The following OPN5 variants were observed in gnomAD, a reference collection of about 807,000 sequenced individuals.
The protein encoded by OPN5 is opsin-5.
In OPN5, 18 loss-of-function variants were observed where a neutral mutation model predicts 41.7. That is an observed-to-expected ratio of 0.43 (90% confidence interval 0.30 to 0.64). The LOEUF (loss-of-function observed/expected upper bound fraction) is 0.64. OPN5 is among the 30% of genes least tolerant of loss of function. The probability of loss-of-function intolerance (pLI) is 0.13; values close to 1 mark genes in which losing one functional copy is unlikely to be tolerated. For missense variants in OPN5, 318 were observed against 434.5 expected, an observed-to-expected ratio of 0.73 and a Z score of 2.38; for synonymous variants, 178 against 164.3, an observed-to-expected ratio of 1.08 and a Z score of -0.64.
At chr6:47,786,703 C>A in intron 2 of OPN5, 69 bp downstream of exon 2, 2 of 1,339,040 alleles carry the variant, frequency 1.5e-6, no homozygotes, top group Non-Finnish European at 1.1e-6. Flanking sequence ...CTCACTGTCT[C>A]AAACGTCACC....
At chr6:47,812,609 A>C (rs1762284845) in intron 6 of OPN5, among the ~76,000 whole-genome samples, 1 of 152,100 alleles carries the variant, frequency 6.6e-6, no homozygotes, top group Non-Finnish European at 1.5e-5. Flanking sequence ...CTGAAAGGAG[A>C]AGGCACGTAG....
chr6:47,823,966 T>C lies in OPN5; in HGVS notation c.1057-17T>C. 2.6e-6 allele frequency: 4 copies of C among 1,549,142 alleles called. No homozygotes were observed. Among genetic ancestry groups the C allele is most frequent in the Non-Finnish European group, 2.6e-6 (3 of 1,144,646 alleles). ...CTGTGTGCCTCACCCTAAAACTCAA[T>C]TTTTTCTTCTCTACAGTGGGAATAA... On this transcript the variant is annotated splice_polypyrimidine_tract_variant and intron_variant, in intron 6 of 6. Coordinates refer to ENST00000371211, the Ensembl canonical transcript of OPN5.
In OPN5 at chr6:47,811,661, C is replaced by T; in HGVS notation, c.999-13C>T. 2 of 1,601,512 alleles carry T rather than the reference C, an allele frequency of 1.2e-6. No individual in the cohort carries two copies. The highest frequency in any genetic ancestry group is 1.7e-6 in the Non-Finnish European group (2 of 1,169,566). On this transcript the variant is annotated splice_polypyrimidine_tract_variant and intron_variant, in intron 5 of 6. Coordinates refer to ENST00000371211, the Ensembl canonical transcript of OPN5. ...GTAGATATTAAATTGCATTTTTCTT[C>T]TCCTATATCTAGGCTGCACACCGTA...
chr6:47,808,972 A>G (rs1471173464), intron 5 of OPN5, among the ~76,000 whole-genome samples: 1 of 152,214 alleles, frequency 6.6e-6, no homozygotes, highest in Non-Finnish European at 1.5e-5. Flanking sequence ...CCATGTTTAA[A>G]CAGCCAGAAA....
intron 6 of OPN5, among the ~76,000 whole-genome samples, chr6:47,821,243 A>G (rs889822859): frequency 2.0e-5 from 3 of 152,234 alleles, no homozygotes; most frequent in South Asian, 2.1e-4. Context: ...TGTGCAATTC[A>G]AAACTGTGTT....
At chr6:47,782,245 T>C (rs766124350) in intron 1 of OPN5, 49 bp downstream of exon 1, 11 of 1,570,236 alleles carry the variant, frequency 7.0e-6, no homozygotes, top group Non-Finnish European at 8.7e-6. Flanking sequence ...AGAAAATTCA[T>C]GGGCTGATAT....
At chr6:47,794,904 C>A in intron 3 of OPN5, 1 of 235,932 alleles carries the variant, frequency 4.2e-6, no homozygotes, top group Non-Finnish European at 8.3e-6. Context: ...CTAACACACC[C>A]TTTCCGAGAT....
chr6:47,815,165 A>G (rs1006497587), intron 6 of OPN5, among the ~76,000 whole-genome samples: 12 of 152,310 alleles, frequency 7.9e-5, no homozygotes, highest in Admixed American at 3.3e-4. Context: ...AGCAATAAGA[A>G]TATATTTCAC....
intron 6 of OPN5, among the ~76,000 whole-genome samples, chr6:47,820,133 T>TAGAGAG (rs5876036): frequency 2.7e-4 from 40 of 149,382 alleles, no homozygotes; most frequent in Admixed American, 1.3e-4. Context: ...TCCTTTTGAA[T>TAGAGAG]AGAGAGAGAG....
intron 3 of OPN5, among the ~76,000 whole-genome samples, chr6:47,792,381 G>T (rs910108122): frequency 2.6e-5 from 4 of 152,138 alleles, no homozygotes; most frequent in Non-Finnish European, 5.9e-5. Flanking sequence ...TAGGACTCAC[G>T]CTCCCTGTGA....
intron 4 of OPN5, among the ~76,000 whole-genome samples, chr6:47,799,230 AC>A (rs1467043292): frequency 3.8e-4 from 57 of 148,084 alleles, no homozygotes; most frequent in Admixed American, 1.8e-3. Context: ...ACACACACAC[AC>A]ATGATATACA....
At chr6:47,786,737 TCTC>T (rs1773205099) in intron 2 of OPN5, 103 bp downstream of exon 2, 1 of 991,488 alleles carries the variant, frequency 1.0e-6, no homozygotes, top group African/African-American at 1.6e-5. Context: ...TCCCTTCACA[TCTC>T]CTTCCACTCT....
intron 5 of OPN5, among the ~76,000 whole-genome samples, chr6:47,809,774 C>A (rs933497325): frequency 6.6e-6 from 1 of 152,236 alleles, no homozygotes; most frequent in African/African-American, 2.4e-5. Flanking sequence ...TAAAAAGCAT[C>A]TCTTTCTGAA....
chr6:47,784,304 T>TG (rs1304486466), intron 1 of OPN5, among the ~76,000 whole-genome samples: 1 of 6,152 alleles, frequency 1.6e-4, no homozygotes, highest in African/African-American at 3.8e-4. Flanking sequence ...GCAAGATTCC[T>TG]TTTTTTTTTG....
At chr6:47,821,341 G>A (rs1762616743) in intron 6 of OPN5, among the ~76,000 whole-genome samples, 1 of 152,240 alleles carries the variant, frequency 6.6e-6, no homozygotes, top group African/African-American at 2.4e-5. Context: ...TAAGCCACAT[G>A]GGTGTGGGAG....
chr6:47,818,426 A>G (rs1332074889), intron 6 of OPN5, among the ~76,000 whole-genome samples: 1 of 152,232 alleles, frequency 6.6e-6, no homozygotes, highest in African/African-American at 2.4e-5. Flanking sequence ...ACATTTCCAG[A>G]AAGTGGAGAA....
At chr6:47,811,899 GGAAACTA>G (rs1165221619) in intron 6 of OPN5, 168 bp downstream of exon 6, 1 of 466,974 alleles carries the variant, frequency 2.1e-6, no homozygotes, top group Non-Finnish European at 3.8e-6. Flanking sequence ...ATGGCTAAAT[GGAAACTA>G]GATTACAGGA....
intron 4 of OPN5, among the ~76,000 whole-genome samples, chr6:47,800,525 G>T (rs1773729441): frequency 6.6e-6 from 1 of 152,198 alleles, no homozygotes. Context: ...GTTATTTGCA[G>T]GAGTAATTGG....
downstream of OPN5, chr6:47,824,906 T>C (rs1762746782): frequency 6.6e-6 from 1 of 152,120 alleles, no homozygotes; most frequent in Non-Finnish European, 1.5e-5. Context: ...TTTTACTTTG[T>C]TGGAAACTAT....
Sources: gnomAD v4.1 joint callset for allele counts (sites outside exome capture counted in the v4.1 genomes callset) on GRCh38, gnomAD v4.1.1 for gene constraint, MANE v1.5 for transcripts, NCBI Gene and HGNC (gene_info 2026-07-23, HGNC 2026-07-21) for gene names.